NFE2L2: variants seen among roughly 807,000 people sequenced by gnomAD.
NFE2L2 encodes NFE2 like bZIP transcription factor 2.
Under a neutral mutation model 49.6 loss-of-function variants are expected in NFE2L2, and 20 were observed. The ratio of observed to expected loss-of-function variants is 0.40; its 90% confidence interval spans 0.28 to 0.59. The LOEUF (loss-of-function observed/expected upper bound fraction) is 0.59, where lower values mean the gene tolerates loss of function less well. NFE2L2 is among the 20% of genes least tolerant of loss of function. The pLI is 0.40. For missense variants in NFE2L2, 578 were observed against 714.2 expected, an observed-to-expected ratio of 0.81 and a Z score of 2.17; for synonymous variants, 244 against 256.5, an observed-to-expected ratio of 0.95 and a Z score of 0.47.
chr2:177,233,676 G>A, intron 2 of NFE2L2: 1 of 506,648 alleles, frequency 2.0e-6, no homozygotes, highest in Non-Finnish European at 3.5e-6. Flanking sequence ...GCCACACACA[G>A]TAACGCCAGT....
intron 1 of NFE2L2, among the ~76,000 whole-genome samples, chr2:177,240,491 A>C (rs1255434772): frequency 6.6e-6 from 1 of 152,184 alleles, no homozygotes. Context: ...CTTGTCCTTT[A>C]GTGATTCCTG....
intron 3 of NFE2L2, chr2:177,232,810 A>C: frequency 1.9e-6 from 1 of 535,416 alleles, no homozygotes; most frequent in Non-Finnish European, 3.3e-6. Context: ...AGTAAACTTT[A>C]AAATGCGTAA....
intron 1 of NFE2L2, among the ~76,000 whole-genome samples, chr2:177,262,817 A>C (rs1690788220): frequency 6.6e-6 from 1 of 152,250 alleles, no homozygotes; most frequent in South Asian, 2.1e-4. Context: ...TCAGTCAAAC[A>C]AGCATTCCTA....
intron 1 of NFE2L2, among the ~76,000 whole-genome samples, chr2:177,246,146 T>C (rs1002857677): frequency 1.3e-5 from 2 of 152,260 alleles, no homozygotes; most frequent in African/African-American, 4.8e-5. Context: ...GTCTGCCCTC[T>C]GGACACTCAG....
At chr2:177,254,722 T>C (rs1347445627) in intron 1 of NFE2L2, among the ~76,000 whole-genome samples, 2 of 152,174 alleles carry the variant, frequency 1.3e-5, no homozygotes, top group Admixed American at 6.5e-5. Context: ...GCTGACAGAA[T>C]GTCTGTAGGT....
At position 177,246,626 on chromosome 2, in the gene NFE2L2, G is replaced by C. The variant is rs557976353; in HGVS notation, c.46-12355C>G. On this transcript the variant is annotated intron_variant, in intron 1 of 4. Transcript: ENST00000397062. ...TTTTTTTCTTTTTTTCTAAGATAGG[G>C]TCTTGTTCTGTTGCCCAGGCTGGAG... Among the ~76,000 whole-genome samples, 220 of 150,550 alleles carry C rather than the reference G, an allele frequency of 1.5e-3. 1 individual carries two copies. The highest frequency in any genetic ancestry group is 2.7e-3 in the Non-Finnish European group (183 of 67,674).
In NFE2L2 at chr2:177,231,074, G is replaced by A. The variant is rs766602407; in HGVS notation, c.1529C>T (p.Ala510Val). ...DIRRRGKNKV[A>V]AQNCRKRKLE... ...TTTTCTTTTTCTGCAATTCTGAGCA[G>A]CCACTTTATTCTTACCCCTCCTACG... Residue 510 changes from alanine to valine, a missense_variant, in exon 5 of 5, where the codon GCT becomes GTT. Physicochemically the swap from Ala to Val is moderately conservative, Grantham distance 64 (BLOSUM62 0). Transcript: ENST00000397062. 1.2e-6 allele frequency: 2 copies of A among 1,613,996 alleles called. No individual in the cohort carries two copies. The highest frequency in any genetic ancestry group is 1.7e-6 in the Non-Finnish European group (2 of 1,180,040).
chr2:177,250,276 C>T (rs1690288025), intron 1 of NFE2L2, among the ~76,000 whole-genome samples: 1 of 152,170 alleles, frequency 6.6e-6, no homozygotes, highest in East Asian at 1.9e-4. Flanking sequence ...AGGGTACTAC[C>T]TGTTCCAACT....
At chr2:177,242,915 T>C (rs1689991122) in intron 1 of NFE2L2, among the ~76,000 whole-genome samples, 1 of 152,086 alleles carries the variant, frequency 6.6e-6, no homozygotes, top group African/African-American at 2.4e-5. Context: ...TTTTTGTTTT[T>C]TTTTTGGTGG....
chr2:177,252,845 C>G (rs1246275126), intron 1 of NFE2L2, among the ~76,000 whole-genome samples: 1 of 152,224 alleles, frequency 6.6e-6, no homozygotes, highest in African/African-American at 2.4e-5. Flanking sequence ...ATGCTCAGAC[C>G]TACACCTTGG....
chr2:177,261,170 C>CAAAAA (rs59040355), intron 1 of NFE2L2, among the ~76,000 whole-genome samples: 11 of 120,112 alleles, frequency 9.2e-5, no homozygotes, highest in African/African-American at 3.5e-4. Context: ...GACTTCATCT[C>CAAAAA]AAAAAAAAAA....
At position 177,264,521 on chromosome 2, in the gene NFE2L2, C is replaced by T. The variant is rs1417384280; in HGVS notation, c.45+11G>A. ...GGCACCACCGCAGGGCCCAGAGGGC[C>T]GAGGCAGCACCTGCTGGGACGGGAG... On this transcript the variant is annotated intron_variant, in intron 1 of 4. Coordinates refer to ENST00000397062, the MANE Select transcript of NFE2L2 (RefSeq NM_006164.5). The T allele has an allele frequency of 2.6e-6, 4 of 1,524,564 alleles. No homozygotes were observed. Among genetic ancestry groups the T allele is most frequent in the Middle Eastern group, 1.7e-4 (1 of 5,778 alleles). 94.4% of individuals were successfully genotyped at this position (1,524,564 alleles called of 1,614,324 possible). A position where few individuals can be genotyped will look rare whatever the true frequency, so the allele number is the denominator to read the frequency against.
intron 1 of NFE2L2, among the ~76,000 whole-genome samples, chr2:177,264,054 T>G (rs1265060917): frequency 6.6e-6 from 1 of 151,584 alleles, no homozygotes; most frequent in African/African-American, 2.4e-5. Flanking sequence ...CGACCTCAGT[T>G]CCCCCGAGAG....
At chr2:177,251,579 T>C (rs373843108) in intron 1 of NFE2L2, among the ~76,000 whole-genome samples, 1 of 152,262 alleles carries the variant, frequency 6.6e-6, no homozygotes, top group African/African-American at 2.4e-5. Flanking sequence ...AGGCCTGCTA[T>C]GGGGTTGGTT....
intron 1 of NFE2L2, among the ~76,000 whole-genome samples, chr2:177,235,048 C>T (rs576457406): frequency 1.3e-5 from 2 of 152,026 alleles, no homozygotes; most frequent in African/African-American, 4.8e-5. Context: ...ACCTGGGAGG[C>T]AGAGGTTGCA....
chr2:177,246,947 A>G (rs1407363455), intron 1 of NFE2L2, among the ~76,000 whole-genome samples: 1 of 152,112 alleles, frequency 6.6e-6, no homozygotes, highest in Non-Finnish European at 1.5e-5. Flanking sequence ...ACACAGATGT[A>G]CTGAAACAGT....
At chr2:177,252,065 C>T (rs1690362608) in intron 1 of NFE2L2, among the ~76,000 whole-genome samples, 1 of 151,664 alleles carries the variant, frequency 6.6e-6, no homozygotes, top group Non-Finnish European at 1.5e-5. Context: ...ATCACAACCA[C>T]CATTTGCTGA....
At chr2:177,246,048 C>T (rs956525424) in intron 1 of NFE2L2, among the ~76,000 whole-genome samples, 1 of 152,208 alleles carries the variant, frequency 6.6e-6, no homozygotes, top group Non-Finnish European at 1.5e-5. Context: ...TTGTCCACTG[C>T]TCCTTGGTGT....
intron 1 of NFE2L2, among the ~76,000 whole-genome samples, chr2:177,246,603 T>C (rs1480560218): frequency 1.3e-5 from 2 of 150,448 alleles, no homozygotes; most frequent in East Asian, 1.9e-4. Flanking sequence ...CTTTTTCTTT[T>C]TTTTCTTTTT....
Sources: allele counts gnomAD v4.1 joint callset (sites outside exome capture counted in the v4.1 genomes callset), GRCh38; gene constraint gnomAD v4.1.1; transcripts MANE v1.5; gene names NCBI Gene and HGNC (gene_info 2026-07-23, HGNC 2026-07-21).